Variants in SPAG16 observed in about 807,000 individuals in gnomAD.
SPAG16 encodes the protein sperm associated antigen 16.
A neutral mutation model predicts 80.4 loss-of-function variants in SPAG16; 86 were observed. That is an observed-to-expected ratio of 1.07 (90% CI 0.90 to 1.28). The LOEUF is 1.28. SPAG16 is among the 50% of genes most tolerant of loss of function. The pLI, the probability that SPAG16 is intolerant of heterozygous loss-of-function variation, is 0.00. For synonymous variants in SPAG16, 294 were observed against 265.9 expected (o/e 1.11, Z -1.03); for missense variants, 870 against 765.3 (o/e 1.14, Z -1.61).
At chr2:213,406,599 G>A (rs955014878) in intron 9 of SPAG16, among the ~76,000 whole-genome samples, 1 of 152,138 alleles carries the variant, frequency 6.6e-6, no homozygotes, top group Non-Finnish European at 1.5e-5. Context: ...GATAAAGGAT[G>A]TTACCATATT....
intron 13 of SPAG16, among the ~76,000 whole-genome samples, chr2:214,060,707 A>G (rs1381069413): frequency 2.0e-5 from 3 of 152,182 alleles, no homozygotes; most frequent in African/African-American, 7.2e-5. Context: ...TGAAATCAGA[A>G]CAAATATTCA....
At chr2:214,152,154 A>G (rs902235121) in intron 15 of SPAG16, among the ~76,000 whole-genome samples, 1 of 142,994 alleles carries the variant, frequency 7.0e-6, no homozygotes, top group African/African-American at 2.7e-5. Flanking sequence ...TTAAATTTCA[A>G]ATTTTGATGT....
chr2:213,402,080 A>T (rs2068339327), intron 9 of SPAG16, among the ~76,000 whole-genome samples: 1 of 152,072 alleles, frequency 6.6e-6, no homozygotes, highest in Admixed American at 6.5e-5. Flanking sequence ...ATTTATCTAC[A>T]AATTTACTAA....
intron 15 of SPAG16, among the ~76,000 whole-genome samples, chr2:214,334,792 A>G (rs1697166620): frequency 1.3e-5 from 2 of 152,186 alleles, no homozygotes; most frequent in Admixed American, 1.3e-4. Flanking sequence ...CATTTTAACA[A>G]TTGCAAAGCT....
intron 9 of SPAG16, among the ~76,000 whole-genome samples, chr2:213,432,520 A>G (rs149730868): frequency 6.6e-6 from 1 of 152,134 alleles, no homozygotes; most frequent in East Asian, 1.9e-4. Flanking sequence ...GGAACATACA[A>G]ATTTCCAAGA....
At chr2:214,132,922 G>C (rs13413330) in intron 14 of SPAG16, among the ~76,000 whole-genome samples, 15,633 of 151,542 alleles carry the variant, frequency 0.1, 1,038 homozygotes, top group East Asian at 0.28. Context: ...GAGAAACCCC[G>C]TCTCTACTAA....
intron 15 of SPAG16, among the ~76,000 whole-genome samples, chr2:214,233,576 G>T (rs1017308466): frequency 2.0e-5 from 3 of 151,938 alleles, no homozygotes; most frequent in African/African-American, 7.3e-5. Flanking sequence ...TAAAAAGTTG[G>T]GTCTAGAATC....
intron 7 of SPAG16, among the ~76,000 whole-genome samples, chr2:213,351,316 G>C (rs1019619219): frequency 6.6e-6 from 1 of 152,108 alleles, no homozygotes; most frequent in South Asian, 2.1e-4. Flanking sequence ...TTGGAGCTCA[G>C]ATTTCTCATA....
chr2:213,380,608 GGTT>G (rs755271531), intron 9 of SPAG16, among the ~76,000 whole-genome samples: 37 of 152,324 alleles, frequency 2.4e-4, no homozygotes, highest in Non-Finnish European at 4.1e-4. Context: ...AGGCAGTTCA[GGTT>G]GCATGGTGAC....
At chr2:214,253,397 G>A (rs879616213) in intron 15 of SPAG16, among the ~76,000 whole-genome samples, 5 of 152,118 alleles carry the variant, frequency 3.3e-5, no homozygotes, top group African/African-American at 9.7e-5. Flanking sequence ...GTCCTGAATG[G>A]TATTCCCTAG....
intron 12 of SPAG16, among the ~76,000 whole-genome samples, chr2:213,947,619 T>A (rs72950711): frequency 0.14 from 21,316 of 152,034 alleles, 1,989 homozygotes; most frequent in Non-Finnish European, 0.21. Context: ...TCAAGGACAT[T>A]TTTTTTGGCT....
intron 12 of SPAG16, among the ~76,000 whole-genome samples, chr2:213,970,729 G>A (rs985888434): frequency 1.3e-5 from 2 of 152,084 alleles, no homozygotes; most frequent in Admixed American, 6.6e-5. Context: ...GTCCTTCCAA[G>A]GATATGCATG....
chr2:214,261,105 CT>C (rs1691130079), intron 15 of SPAG16, among the ~76,000 whole-genome samples: 1 of 49,074 alleles, frequency 2.0e-5, no homozygotes, highest in Non-Finnish European at 3.3e-5. Context: ...AAGACTCAGT[CT>C]CAAAAAAAAA....
chr2:213,528,145 C>T (rs983124808), intron 10 of SPAG16, among the ~76,000 whole-genome samples: 8 of 152,008 alleles, frequency 5.3e-5, no homozygotes, highest in Non-Finnish European at 7.4e-5. Context: ...TTTCAACGGG[C>T]GCCCATCAGA....
chr2:213,925,091 C>T (rs965557894), intron 11 of SPAG16, among the ~76,000 whole-genome samples: 1 of 151,992 alleles, frequency 6.6e-6, no homozygotes, highest in Admixed American at 6.6e-5. Context: ...GGTTTTACTT[C>T]TCTTCTTAAT....
At chr2:214,320,740 C>T in intron 15 of SPAG16, among the ~76,000 whole-genome samples, 1 of 152,182 alleles carries the variant, frequency 6.6e-6, no homozygotes, top group East Asian at 1.9e-4. Flanking sequence ...GGGGAAACTG[C>T]ACCCATGATT....
intron 10 of SPAG16, among the ~76,000 whole-genome samples, chr2:213,546,969 T>G (rs184673429): frequency 6.6e-6 from 1 of 152,180 alleles, no homozygotes; most frequent in Non-Finnish European, 1.5e-5. Flanking sequence ...ATTCCTTTGT[T>G]TATGTAGCTA....
chr2:214,183,145 C>T (rs1027107510), intron 15 of SPAG16, among the ~76,000 whole-genome samples: 1 of 151,948 alleles, frequency 6.6e-6, no homozygotes, highest in Admixed American at 6.6e-5. Flanking sequence ...TGAATTACTG[C>T]CCGCTTCCCT....
chr2:214,188,130 A>G (rs1403147858), intron 15 of SPAG16, among the ~76,000 whole-genome samples: 1 of 152,102 alleles, frequency 6.6e-6, no homozygotes, highest in Non-Finnish European at 1.5e-5. Flanking sequence ...GGATACCCAC[A>G]TCTCATGTAG....
Sources: allele counts gnomAD v4.1 joint callset (sites outside exome capture counted in the v4.1 genomes callset), GRCh38; gene constraint gnomAD v4.1.1; transcripts MANE v1.5; gene names NCBI Gene and HGNC (gene_info 2026-07-23, HGNC 2026-07-21).